Variants in LRRC66 observed in about 807,000 individuals in gnomAD.
LRRC66 encodes the protein leucine rich repeat containing 66.
Under a neutral mutation model 24.6 loss-of-function variants are expected in LRRC66, and 29 were observed. The observed-to-expected ratio is 1.18, with a 90% CI of 0.88 to 1.61. The LOEUF (loss-of-function observed/expected upper bound fraction) is 1.61. Among genes scored for constraint, LRRC66 ranks in the 40% most tolerant of loss-of-function variants. The pLI is 0.00. For missense variants in LRRC66, 1,124 were observed against 1,058.0 expected, an observed-to-expected ratio of 1.06 and a Z score of -0.87; for synonymous variants, 411 against 397.6, an observed-to-expected ratio of 1.03 and a Z score of -0.40.
intron 3 of LRRC66, 98 bp from the exon 4 acceptor site, chr4:51,998,035 A>T (rs1736364557): frequency 9.8e-7 from 1 of 1,018,226 alleles, no homozygotes. Flanking sequence ...GTCTCTATGG[A>T]GGCAATATGG....
rs976338645 is a variant in LRRC66 at position 51,995,570 on chromosome 4, A to G, written c.1452T>C (p.Ser484=). 2.5e-6 allele frequency: 4 copies of G among 1,614,104 alleles called. No individual in the cohort carries two copies. Among genetic ancestry groups the G allele is most frequent in the East Asian group, 2.2e-5 (1 of 44,862 alleles). ...TLGRSRKDPG[S]SQSPGQCGDN... Reference sequence around the variant, plus strand: ...CCCCGCACTGTCCTGGGCTCTGCGAACTGCCAGGATCCTTTCTGCTCCTTC... The same window carrying G: ...CCCCGCACTGTCCTGGGCTCTGCGAGCTGCCAGGATCCTTTCTGCTCCTTC... The change falls in exon 5 of 5, where the codon AGT becomes AGC. Residue 484 remains serine (S), a synonymous_variant. Coordinates refer to ENST00000682860, the MANE Select transcript of LRRC66 (RefSeq NM_001024611.3).
chr4:52,016,352 A>G (rs889751971), intron 2 of LRRC66, among the ~76,000 whole-genome samples: 2 of 152,198 alleles, frequency 1.3e-5, no homozygotes, highest in African/African-American at 4.8e-5. Context: ...AATGTCTTAT[A>G]TAAAGGAGGT....
At chr4:51,996,494 C>T (rs918355723) in intron 4 of LRRC66, among the ~76,000 whole-genome samples, 7 of 151,966 alleles carry the variant, frequency 4.6e-5, no homozygotes, top group African/African-American at 1.5e-4. Flanking sequence ...TGGCATCAAG[C>T]GATTCTCCTC....
chr4:52,016,244 TAAAA>T (rs1443473592), intron 2 of LRRC66, among the ~76,000 whole-genome samples: 1 of 152,074 alleles, frequency 6.6e-6, no homozygotes, highest in Non-Finnish European at 1.5e-5. Context: ...AGCATGAAGA[TAAAA>T]ACATGAAATG....
chr4:52,000,928 T>G (rs530057443), intron 3 of LRRC66, among the ~76,000 whole-genome samples: 62 of 152,340 alleles, frequency 4.1e-4, no homozygotes, highest in South Asian at 1.7e-3. Flanking sequence ...GGTTTTAAGC[T>G]GGTAAGTTTG....
chr4:51,995,907 G>A lies in LRRC66; in HGVS notation c.1115C>T (p.Pro372Leu), dbSNP rs777513616. The stretch of plus-strand genomic sequence containing the variant: ...GCACACCGCCAGAGCCAGGTCCTGG[G>A]GAGCGTCCTCTTTTTTGCCGGCAGC... ...VQAAGKKEDA[P>L]QDLALAVCLS... Residue 372 changes from proline (P) to leucine (L), a missense_variant, in exon 5 of 5, where the codon CCC (proline) becomes CTC (leucine). Physicochemically the swap from Pro to Leu is moderately conservative, Grantham distance 98 (BLOSUM62 -3). Coordinates refer to ENST00000682860, the MANE Select transcript of LRRC66 (RefSeq NM_001024611.3). The A allele has an allele frequency of 3.7e-6, 6 of 1,614,140 alleles. No homozygotes were observed. In the South Asian group the frequency reaches 6.6e-5, roughly 18 times the overall value.
At chr4:52,003,151 A>G in intron 3 of LRRC66, 72 bp downstream of exon 3, 15 of 1,237,598 alleles carry the variant, frequency 1.2e-5, no homozygotes, top group Non-Finnish European at 1.7e-5. Context: ...AAACTCTTCA[A>G]TAGAAATATG....
In LRRC66 at chr4:51,994,948, G is replaced by C. The variant is rs1353163679; in HGVS notation, c.2074C>G (p.Pro692Ala). The C allele has an allele frequency of 6.2e-7, 1 of 1,614,122 alleles. No individual in the cohort carries two copies. Among genetic ancestry groups the C allele is most frequent in the East Asian group, 2.2e-5 (1 of 44,864 alleles). Residue 692 changes from proline (P) to alanine (A), a missense_variant, in exon 5 of 5, where the codon CCT (proline) becomes GCT (alanine). Transcript: ENST00000682860. ...TCCAACTCACAGCAAGTGTCAGAAG[G>C]AGTGGATTTCTGCACTGGTTCCTTG... ...ANKEPVQKST[P>A]SDTCCELESD...
chr4:51,998,897 A>AACCC (rs1736384186), intron 3 of LRRC66, among the ~76,000 whole-genome samples: 1 of 152,206 alleles, frequency 6.6e-6, no homozygotes, highest in African/African-American at 2.4e-5. Context: ...AAGCTGGGTT[A>AACCC]AGCCACACAG....
chr4:51,994,250 C>T lies in LRRC66; in HGVS notation c.*129G>A. The T allele has an allele frequency of 1.2e-6, 1 of 862,852 alleles. No individual in the cohort carries two copies. Among genetic ancestry groups the T allele is most frequent in the Non-Finnish European group, 1.7e-6 (1 of 576,582 alleles). 53.4% of individuals were successfully genotyped at this position (862,852 alleles called of 1,614,324 possible). On this transcript the variant is annotated 3_prime_UTR_variant, in exon 5 of 5. Coordinates refer to ENST00000682860, the MANE Select transcript of LRRC66 (RefSeq NM_001024611.3). ...GGGCCCACAAAACCCTCATTTGCATCAGTGTCCACTTGGTTGGAATTCATG... is the reference window on the plus strand; with the variant it reads ...GGGCCCACAAAACCCTCATTTGCATTAGTGTCCACTTGGTTGGAATTCATG...
chr4:52,006,031 T>C (rs758594578), intron 2 of LRRC66, among the ~76,000 whole-genome samples: 9 of 152,242 alleles, frequency 5.9e-5, no homozygotes, highest in Non-Finnish European at 1.3e-4. Context: ...GATACCTGCC[T>C]GGCCTATATA....
intron 3 of LRRC66, among the ~76,000 whole-genome samples, chr4:52,000,260 G>T (rs1736418604): frequency 6.6e-6 from 1 of 152,144 alleles, no homozygotes; most frequent in Non-Finnish European, 1.5e-5. Context: ...TCTATTACCT[G>T]TGAGTTGCAG....
rs772288035 is a variant in LRRC66, at chr4:51,995,548, C to T, written c.1474G>A (p.Gly492Arg). 7 of 1,614,178 alleles carry T rather than the reference C, an allele frequency of 4.3e-6. No homozygotes were observed. The African/African-American group carries it at 6.7e-5, about 15-fold the overall frequency. Residue 492 changes from glycine (G) to arginine (R), a missense_variant, in exon 5 of 5, where the codon GGG (glycine) becomes AGG (arginine). Transcript: ENST00000682860. ...CCACTTCCTGCCCCGGTGTTGTCCC[C>T]GCACTGTCCTGGGCTCTGCGAACTG... is the stretch of plus-strand genomic sequence containing the variant. ...PGSSQSPGQC[G>R]DNTGAGSGND... is the part of the protein sequence containing the mutation.
At chr4:52,010,691 C>G (rs1274270464) in intron 2 of LRRC66, among the ~76,000 whole-genome samples, 1 of 152,166 alleles carries the variant, frequency 6.6e-6, no homozygotes, top group Non-Finnish European at 1.5e-5. Context: ...CACATTTTCT[C>G]TATCCAATCC....
chr4:52,007,102 T>C (rs1486543195), intron 2 of LRRC66, among the ~76,000 whole-genome samples: 3 of 152,212 alleles, frequency 2.0e-5, no homozygotes, highest in Non-Finnish European at 1.5e-5. Flanking sequence ...GCTTAGTTAA[T>C]CTGCTTGTGT....
At position 51,994,518 on chromosome 4, in the gene LRRC66, G is replaced by T. The variant is rs758354405; in HGVS notation, c.2504C>A (p.Ala835Glu). Residue 835 changes from alanine to glutamate, a missense_variant, in exon 5 of 5, where the codon GCA becomes GAA. Coordinates refer to ENST00000682860, the MANE Select transcript of LRRC66 (RefSeq NM_001024611.3). ...GTCTCTAAGTGAGCAATGCCATTCT[G>T]CTGCCTTGGATTGAAGAGCTGTGTC... is the stretch of plus-strand genomic sequence containing the variant. ...DYDTALQSKA[A>E]EWHCSLRDLE... 5 of 1,614,210 alleles carry T rather than the reference G, an allele frequency of 3.1e-6. No individual in the cohort carries two copies. Among genetic ancestry groups the T allele is most frequent in the Non-Finnish European group, 2.5e-6 (3 of 1,180,034 alleles).
intron 1 of LRRC66, chr4:52,018,140 G>A (rs1488362446): frequency 2.0e-6 from 2 of 985,202 alleles, no homozygotes; most frequent in Non-Finnish European, 2.4e-6. Context: ...TTCATGACTA[G>A]AAGAAATACA....
intron 1 of LRRC66, chr4:52,018,718 T>A: frequency 1.9e-6 from 1 of 516,722 alleles, no homozygotes. Context: ...CTCAGGTTGG[T>A]ATTCAAAGCC....
rs1258684257 is a variant in LRRC66 at position 51,993,737 on chromosome 4, G to T, written c.*642C>A. 2 of 152,096 alleles carry T rather than the reference G, an allele frequency of 1.3e-5. No homozygotes were observed. Among genetic ancestry groups the T allele is most frequent in the South Asian group, 2.1e-4 (1 of 4,818 alleles). 9.4% of individuals were successfully genotyped at this position (152,096 alleles called of 1,614,324 possible). A position where few individuals can be genotyped will look rare whatever the true frequency, so the allele number is the denominator to read the frequency against. On this transcript the variant is annotated 3_prime_UTR_variant, in exon 5 of 5. Transcript: ENST00000682860. ...ATTTAAAAACATTTATATTTACTCA[G>T]AACTTTTCCAATTTTGCAGTTTCAC...
Sources: allele counts gnomAD v4.1 joint callset (sites outside exome capture counted in the v4.1 genomes callset), GRCh38; gene constraint gnomAD v4.1.1; transcripts MANE v1.5; gene names NCBI Gene and HGNC (gene_info 2026-07-23, HGNC 2026-07-21).